Variants in OR5M1 observed in about 807,000 individuals in gnomAD.
OR5M1 encodes the protein olfactory receptor 5M1.
For missense variants in OR5M1, 367 were observed against 379.5 expected (o/e 0.97, Z 0.27); for synonymous variants, 165 against 144.2 (o/e 1.14, Z -1.04).
At chr11:56,614,565 C>A (rs1359454683) in intron 1 of OR5M1, among the ~76,000 whole-genome samples, 1 of 152,194 alleles carries the variant, frequency 6.6e-6, no homozygotes, top group South Asian at 2.1e-4. Flanking sequence ...CACTCTCTCT[C>A]AGTTCTCTTT....
chr11:56,613,521 T>C lies in OR5M1; in HGVS notation c.-17-2A>G. On this transcript the variant is annotated splice_acceptor_variant, in intron 1 of 1. Coordinates refer to ENST00000641076, the MANE Select transcript of OR5M1 (RefSeq NM_001004740.2). LOFTEE classifies it low-confidence loss of function (5UTR_SPLICE). The stretch of plus-strand genomic sequence containing the variant: ...AGAACATCTTCTTATCTCTTGAAAC[T>C]GAAAGTGACAAAGAATGTGAGGATT... 1 of 1,594,728 alleles carries C rather than the reference T, an allele frequency of 6.3e-7. No individual in the cohort carries two copies. Among genetic ancestry groups the C allele is most frequent in the Non-Finnish European group, 8.6e-7 (1 of 1,164,404 alleles).
In OR5M1 at chr11:56,612,373, T is replaced by G. The variant is rs1243095147; in HGVS notation, c.*182A>C. On this transcript the variant is annotated 3_prime_UTR_variant, in exon 2 of 2. Coordinates refer to ENST00000641076, the MANE Select transcript of OR5M1 (RefSeq NM_001004740.2). ...TTCTGACAAATAAAACATTTTAAAT[T>G]TCTCAACATTAAGGCTTTTATTTCT... 1.7e-5 allele frequency: 7 copies of G among 409,036 alleles called. No homozygotes were observed. The highest frequency in any genetic ancestry group is 3.0e-5 in the Non-Finnish European group (7 of 229,712). The allele number at this position is 409,036 out of a possible 1,614,324, so 25.3% of individuals were successfully genotyped here.
Position 56,614,167 on chromosome 11 carries a change from T to C in OR5M1, c.-17-648A>G, listed in dbSNP as rs188277270. 2.6e-5 allele frequency among the ~76,000 whole-genome samples: 4 copies of C among 152,328 alleles called. No individual in the cohort carries two copies. The East Asian group carries it at 5.8e-4, about 22-fold the overall frequency. Reference sequence around the variant, plus strand: ...TCACTGCCTGTTTACTCATGTATACTGTATAGCTTCATTTCTTTCTGTTCC... The same window carrying C: ...TCACTGCCTGTTTACTCATGTATACCGTATAGCTTCATTTCTTTCTGTTCC... On this transcript the variant is annotated intron_variant, in intron 1 of 1. Coordinates refer to ENST00000641076, the MANE Select transcript of OR5M1 (RefSeq NM_001004740.2).
intron 1 of OR5M1, 67 bp from the exon 2 acceptor site, chr11:56,613,586 T>C: frequency 8.2e-7 from 1 of 1,223,790 alleles, no homozygotes; most frequent in Non-Finnish European, 1.2e-6. Flanking sequence ...CATCCATTTA[T>C]CATTCGCTCA....
Position 56,610,513 on chromosome 11 carries a change from C to A in OR5M1, c.*2042G>T, listed in dbSNP as rs1207033021. On this transcript the variant is annotated 3_prime_UTR_variant, in exon 2 of 2. Coordinates refer to ENST00000641076, the MANE Select transcript of OR5M1 (RefSeq NM_001004740.2). ...AGAGAGAGAATTTGAAACCAAGAAA[C>A]CTGCTTTTGTCCTACTGAGTGGCCA... 15 of 151,990 alleles carry A rather than the reference C, an allele frequency of 9.9e-5. No individual in the cohort carries two copies. Among genetic ancestry groups the A allele is most frequent in the South Asian group, 2.1e-4 (1 of 4,824 alleles). The allele number at this position is 151,990 out of a possible 1,614,324, so 9.4% of individuals were successfully genotyped here.
In OR5M1 at chr11:56,613,467, G is replaced by T. The variant is rs1853709187; in HGVS notation, c.36C>A (p.Phe12Leu). The change falls in exon 2 of 2, where the codon TTC (phenylalanine) becomes TTA (leucine). Residue 12 changes from phenylalanine to leucine, a missense_variant. Phe to Leu is a conservative substitution (Grantham distance 22). Coordinates refer to ENST00000641076, the MANE Select transcript of OR5M1 (RefSeq NM_001004740.2). ...FSPNHTIVTE[F>L]ILLGLTDDPV... ...GGTCGTCTGTCAGTCCCAAGAGAAT[G>T]AATTCTGTCACTATGGTGTGGTTTG... 5 of 1,613,468 alleles carry T rather than the reference G, an allele frequency of 3.1e-6. No individual in the cohort carries two copies. Among genetic ancestry groups the T allele is most frequent in the Non-Finnish European group, 4.2e-6 (5 of 1,179,628 alleles).
In OR5M1 at chr11:56,611,964, A is replaced by G. The variant is rs2134958237; in HGVS notation, c.*591T>C. 1 of 152,222 alleles carries G rather than the reference A, an allele frequency of 6.6e-6. No individual in the cohort carries two copies. Among genetic ancestry groups the G allele is most frequent in the African/African-American group, 2.4e-5 (1 of 41,548 alleles). 9.4% of individuals were successfully genotyped at this position (152,222 alleles called of 1,614,324 possible). A position where few individuals can be genotyped will look rare whatever the true frequency, so the allele number is the denominator to read the frequency against. ...TTGATTTTCAGAATCAAGGACGATA[A>G]CCAGTATTATCATATGAACAAAAAA... On this transcript the variant is annotated 3_prime_UTR_variant, in exon 2 of 2. Transcript: ENST00000641076.
In OR5M1 at chr11:56,612,568, T is replaced by G. The variant is rs761338136; in HGVS notation, c.935A>C (p.Lys312Thr). 9 of 1,597,474 alleles carry G rather than the reference T, an allele frequency of 5.6e-6. No homozygotes were observed. In the Admixed American group the frequency reaches 1.6e-4, roughly 29 times the overall value. The change falls in exon 2 of 2, where the codon AAA (lysine) becomes ACA (threonine). Residue 312 changes from lysine to threonine, a missense_variant. By Grantham distance (78) the Lys-to-Thr change is moderately conservative. Coordinates refer to ENST00000641076, the MANE Select transcript of OR5M1 (RefSeq NM_001004740.2). ...QQMIRGKSFH[K>T]IAV Reference sequence around the variant, plus strand: ...ATAAACACAAGCCTAAACTGCAATTTTATGAAAGGATTTTCCCCTAATCAT... The same window carrying G: ...ATAAACACAAGCCTAAACTGCAATTGTATGAAAGGATTTTCCCCTAATCAT...
rs1326885862 is a variant in OR5M1, at chr11:56,614,841, G to A, written c.-18+16C>T. The A allele has an allele frequency of 1.4e-5, 2 of 147,644 alleles. No homozygotes were observed. Among genetic ancestry groups the A allele is most frequent in the African/African-American group, 2.5e-5 (1 of 39,938 alleles). 9.1% of individuals were successfully genotyped at this position (147,644 alleles called of 1,614,324 possible). On this transcript the variant is annotated intron_variant, in intron 1 of 1. Transcript: ENST00000641076. Reference sequence around the variant, plus strand: ...CAAATTGTATTTTTAGTGAACAAATGTAGAAAATGACCTACCTGTTAATGT... The same window carrying A: ...CAAATTGTATTTTTAGTGAACAAATATAGAAAATGACCTACCTGTTAATGT...
In OR5M1 at chr11:56,613,507, T is replaced by C. The variant is rs1246551155; in HGVS notation, c.-5A>G. 4 of 1,606,794 alleles carry C rather than the reference T, an allele frequency of 2.5e-6. No homozygotes were observed. The highest frequency in any genetic ancestry group is 3.4e-6 in the Non-Finnish European group (4 of 1,174,204). The stretch of plus-strand genomic sequence containing the variant: ...GGTGTGGTTTGGGGAGAACATCTTC[T>C]TATCTCTTGAAACTGAAAGTGACAA... On this transcript the variant is annotated 5_prime_UTR_variant, in exon 2 of 2. Coordinates refer to ENST00000641076, the MANE Select transcript of OR5M1 (RefSeq NM_001004740.2).
Position 56,610,651 on chromosome 11 carries a change from A to T in OR5M1, c.*1904T>A, listed in dbSNP as rs562887111. 6.6e-6 allele frequency: 1 copy of T among 152,272 alleles called. No homozygotes were observed. The highest frequency in any genetic ancestry group is 2.4e-5 in the African/African-American group (1 of 41,564). The allele number at this position is 152,272 out of a possible 1,614,324, so 9.4% of individuals were successfully genotyped here. On this transcript the variant is annotated 3_prime_UTR_variant, in exon 2 of 2. Transcript: ENST00000641076. Reference sequence around the variant, plus strand: ...ATGAAGATTAAAATAAAGTGTTCCTAAAATCAGCACTACACTGTGACTGCA... The same window carrying T: ...ATGAAGATTAAAATAAAGTGTTCCTTAAATCAGCACTACACTGTGACTGCA...
chr11:56,609,341 T>C lies in OR5M1; in HGVS notation c.*3214A>G, dbSNP rs1853647005. On this transcript the variant is annotated 3_prime_UTR_variant, in exon 2 of 2. Coordinates refer to ENST00000641076, the MANE Select transcript of OR5M1 (RefSeq NM_001004740.2). ...TATTCATGCAAGAAATTATCAGCAA[T>C]AGCATGAAGAGAAATTATCAACCTT... 1 of 151,952 alleles carries C rather than the reference T, an allele frequency of 6.6e-6. No homozygotes were observed. Among genetic ancestry groups the C allele is most frequent in the Admixed American group, 6.6e-5 (1 of 15,248 alleles). 9.4% of individuals were successfully genotyped at this position (151,952 alleles called of 1,614,324 possible). A position where few individuals can be genotyped will look rare whatever the true frequency, so the allele number is the denominator to read the frequency against.
At chr11:56,614,008 G>A (rs1472163898) in intron 1 of OR5M1, among the ~76,000 whole-genome samples, 1 of 152,184 alleles carries the variant, frequency 6.6e-6, no homozygotes, top group African/African-American at 2.4e-5. Flanking sequence ...GAAAAGCAAA[G>A]CATTTTCAAT....
rs527242625 is a variant in OR5M1 at position 56,612,793 on chromosome 11, G to C, written c.710C>G (p.Ala237Gly). 4.3e-6 allele frequency: 7 copies of C among 1,613,740 alleles called. No homozygotes were observed. In the East Asian group the frequency reaches 8.9e-5, roughly 21 times the overall value. The change falls in exon 2 of 2, where the codon GCC becomes GGC. Residue 237 changes from alanine (A) to glycine (G), a missense_variant. Ala to Gly is a moderately conservative substitution (Grantham distance 60, BLOSUM62 0). Coordinates refer to ENST00000641076, the MANE Select transcript of OR5M1 (RefSeq NM_001004740.2). ...RIRSAEGRHK[A>G]FSTCASHLTI... ...CAGGTGGGAAGCACACGTAGAAAAGGCTTTGTGCCTGCCTTCAGCAGAACG... is the reference window on the plus strand; with the variant it reads ...CAGGTGGGAAGCACACGTAGAAAAGCCTTTGTGCCTGCCTTCAGCAGAACG...
Position 56,613,099 on chromosome 11 carries a change from C to A in OR5M1, c.404G>T (p.Arg135Met). The A allele has an allele frequency of 1.2e-6, 2 of 1,613,814 alleles. No homozygotes were observed. The highest frequency in any genetic ancestry group is 1.7e-6 in the Non-Finnish European group (2 of 1,179,836). The change falls in exon 2 of 2, where the codon AGG becomes ATG. Residue 135 changes from arginine (R) to methionine (M), a missense_variant. Physicochemically the swap from Arg to Met is moderately conservative, Grantham distance 91. Coordinates refer to ENST00000641076, the MANE Select transcript of OR5M1 (RefSeq NM_001004740.2). ...AICSPLHYSS[R>M]MSKNICVCLV... The stretch of plus-strand genomic sequence containing the variant: ...ACAGACACAGATGTTCTTGGACATC[C>A]TGGAACTGTAATGCAAAGGGCTGCA...
At position 56,611,060 on chromosome 11, in the gene OR5M1, T is replaced by G. The variant is rs1590537184; in HGVS notation, c.*1495A>C. ...AATGCTTTGCCTAATAGATGGAAATTTCTCATAAAATAAAGAAATACCCCA... is the reference window on the plus strand; with the variant it reads ...AATGCTTTGCCTAATAGATGGAAATGTCTCATAAAATAAAGAAATACCCCA... On this transcript the variant is annotated 3_prime_UTR_variant, in exon 2 of 2. Transcript: ENST00000641076. 2.0e-5 allele frequency: 3 copies of G among 152,128 alleles called. No individual in the cohort carries two copies. The South Asian group carries it at 6.2e-4, about 32-fold the overall frequency. 9.4% of individuals were successfully genotyped at this position (152,128 alleles called of 1,614,324 possible). A position where few individuals can be genotyped will look rare whatever the true frequency, so the allele number is the denominator to read the frequency against.
At position 56,613,019 on chromosome 11, in the gene OR5M1, G is replaced by T. The variant is rs181224467; in HGVS notation, c.484C>A (p.Leu162Ile). ...GFLSGFSQSL[L>I]TFHLSFCGSL... ...CCACAGAAGGATAAGTGAAAGGTTA[G>T]CAGTGACTGAGAGAACCCACTAAGA... The change falls in exon 2 of 2, where the codon CTA becomes ATA. Residue 162 changes from leucine to isoleucine, a missense_variant. By Grantham distance (5) the Leu-to-Ile change is conservative. Coordinates refer to ENST00000641076, the MANE Select transcript of OR5M1 (RefSeq NM_001004740.2). 2.4e-5 allele frequency: 39 copies of T among 1,613,862 alleles called. No homozygotes were observed. The African/African-American group carries it at 4.9e-4, about 20-fold the overall frequency.
In OR5M1 at chr11:56,611,028, G is replaced by T. The variant is rs1433019755; in HGVS notation, c.*1527C>A. 6.6e-6 allele frequency: 1 copy of T among 151,918 alleles called. No individual in the cohort carries two copies. Among genetic ancestry groups the T allele is most frequent in the African/African-American group, 2.4e-5 (1 of 41,394 alleles). 9.4% of individuals were successfully genotyped at this position (151,918 alleles called of 1,614,324 possible). A position where few individuals can be genotyped will look rare whatever the true frequency, so the allele number is the denominator to read the frequency against. On this transcript the variant is annotated 3_prime_UTR_variant, in exon 2 of 2. Transcript: ENST00000641076. ...TGAGACCATTCTGCTTGCCAGAAAT[G>T]GAATACAATGCTTTGCCTAATAGAT...
In OR5M1 at chr11:56,609,431, T is replaced by C. The variant is rs1361215203; in HGVS notation, c.*3124A>G. ...TATTCTGTGCTTATTAGAACAGAAT[T>C]ATTTTCTAAGACTTCCCTTGAGACA... On this transcript the variant is annotated 3_prime_UTR_variant, in exon 2 of 2. Coordinates refer to ENST00000641076, the MANE Select transcript of OR5M1 (RefSeq NM_001004740.2). 1 of 152,128 alleles carries C rather than the reference T, an allele frequency of 6.6e-6. No individual in the cohort carries two copies. The highest frequency in any genetic ancestry group is 2.1e-4 in the South Asian group (1 of 4,832). 9.4% of individuals were successfully genotyped at this position (152,128 alleles called of 1,614,324 possible).
Sources: gnomAD v4.1 joint callset for allele counts (sites outside exome capture counted in the v4.1 genomes callset) on GRCh38, gnomAD v4.1.1 for gene constraint, MANE v1.5 for transcripts, NCBI Gene and HGNC (gene_info 2026-07-23, HGNC 2026-07-21) for gene names.